TMEM232: variants seen among roughly 807,000 people sequenced by gnomAD.
The protein encoded by TMEM232 is transmembrane protein 232.
TMEM232 carries 80 observed loss-of-function variants against 78.8 expected under a neutral mutation model. The ratio of observed to expected loss-of-function variants is 1.01; its 90% CI spans 0.85 to 1.22. The LOEUF (loss-of-function observed/expected upper bound fraction) is 1.22. Among genes scored for constraint, TMEM232 ranks in the 50% most tolerant of loss-of-function variants. The pLI is 0.00. For missense variants in TMEM232, 881 were observed against 742.2 expected (o/e 1.19, Z -2.17); for synonymous variants, 297 against 254.3 (o/e 1.17, Z -1.60).
intron 11 of TMEM232, among the ~76,000 whole-genome samples, chr5:110,564,304 C>T (rs2149670282): frequency 6.6e-6 from 1 of 151,934 alleles, no homozygotes; most frequent in African/African-American, 2.4e-5. Flanking sequence ...TGTTTGTTGG[C>T]ACTTTGGAAT....
chr5:110,655,556 G>A (rs1294837298), intron 2 of TMEM232, among the ~76,000 whole-genome samples: 293 of 142,732 alleles, frequency 2.1e-3, no homozygotes, highest in African/African-American at 7.2e-3. Flanking sequence ...CCATTACTGG[G>A]TATATACCCA....
At chr5:110,560,077 T>C (rs903836375) in intron 11 of TMEM232, among the ~76,000 whole-genome samples, 3 of 152,178 alleles carry the variant, frequency 2.0e-5, no homozygotes, top group Admixed American at 1.3e-4. Flanking sequence ...ATATGATTCA[T>C]ATTCTGAAAT....
chr5:110,482,230 A>G (rs1343743829), intron 12 of TMEM232, among the ~76,000 whole-genome samples: 1 of 152,114 alleles, frequency 6.6e-6, no homozygotes, highest in Admixed American at 6.6e-5. Context: ...TAACCTTAAT[A>G]CCATCCAGAA....
At chr5:110,533,117 A>C (rs1581114525) in intron 11 of TMEM232, among the ~76,000 whole-genome samples, 1 of 151,750 alleles carries the variant, frequency 6.6e-6, no homozygotes, top group Non-Finnish European at 1.5e-5. Flanking sequence ...ATTCCCCTGC[A>C]CCCCTCGTCC....
chr5:110,689,203 T>G (rs1260863768), intron 1 of TMEM232, among the ~76,000 whole-genome samples: 1 of 152,252 alleles, frequency 6.6e-6, no homozygotes, highest in East Asian at 1.9e-4. Flanking sequence ...AGGACCTTTG[T>G]AAACCCTGGG....
At chr5:110,695,005 T>G (rs1007240037) in intron 1 of TMEM232, among the ~76,000 whole-genome samples, 2 of 152,150 alleles carry the variant, frequency 1.3e-5, no homozygotes, top group African/African-American at 2.4e-5. Context: ...ATACATTCTT[T>G]TCAGCACCAC....
chr5:110,658,988 G>A (rs1228334010), intron 2 of TMEM232, among the ~76,000 whole-genome samples: 1 of 152,104 alleles, frequency 6.6e-6, no homozygotes, highest in Non-Finnish European at 1.5e-5. Context: ...CCTTCTTGGG[G>A]AAGAGCTCAC....
chr5:110,525,797 T>C (rs1770497541), intron 12 of TMEM232, among the ~76,000 whole-genome samples: 2 of 151,226 alleles, frequency 1.3e-5, no homozygotes, highest in Non-Finnish European at 3.0e-5. Flanking sequence ...ATTAAAACTA[T>C]ATATTAAAAT....
chr5:110,431,542 C>G (rs1310044337), intron 12 of TMEM232, among the ~76,000 whole-genome samples: 1 of 151,334 alleles, frequency 6.6e-6, no homozygotes, highest in Non-Finnish European at 1.5e-5. Flanking sequence ...ATCCAGAATT[C>G]AATAAAAAAT....
At chr5:110,577,453 G>A (rs901044289) in intron 10 of TMEM232, among the ~76,000 whole-genome samples, 1 of 152,058 alleles carries the variant, frequency 6.6e-6, no homozygotes. Context: ...TATTGTGGAA[G>A]ACAGTGTGGC....
At chr5:110,563,400 T>C (rs943984976) in intron 11 of TMEM232, among the ~76,000 whole-genome samples, 6 of 151,880 alleles carry the variant, frequency 4.0e-5, no homozygotes, top group African/African-American at 9.7e-5. Flanking sequence ...ATTATAATTA[T>C]AGAAATGATA....
chr5:110,608,109 T>G (rs1421577206), intron 8 of TMEM232, among the ~76,000 whole-genome samples: 1 of 151,938 alleles, frequency 6.6e-6, no homozygotes, highest in Admixed American at 6.6e-5. Context: ...GTTGGAAACA[T>G]CAAGATGAAA....
intron 1 of TMEM232, among the ~76,000 whole-genome samples, chr5:110,696,668 G>A (rs1335715276): frequency 2.0e-5 from 3 of 151,908 alleles, no homozygotes; most frequent in Non-Finnish European, 4.4e-5. Flanking sequence ...AACAAACGGA[G>A]AGCCAAATCA....
chr5:110,464,232 A>G (rs1761838565), intron 12 of TMEM232, among the ~76,000 whole-genome samples: 1 of 152,222 alleles, frequency 6.6e-6, no homozygotes, highest in Admixed American at 6.5e-5. Flanking sequence ...AGCAGAACGC[A>G]GTGGCTGAAA....
At chr5:110,673,243 A>T (rs1791594316) in intron 1 of TMEM232, among the ~76,000 whole-genome samples, 1 of 151,788 alleles carries the variant, frequency 6.6e-6, no homozygotes, top group African/African-American at 2.4e-5. Context: ...CACAGGTGGG[A>T]ACTGAACAAT....
chr5:110,452,668 G>A (rs1217253629), intron 12 of TMEM232, among the ~76,000 whole-genome samples: 3 of 152,206 alleles, frequency 2.0e-5, no homozygotes, highest in Admixed American at 6.5e-5. Flanking sequence ...CAATATGAAT[G>A]AGAAGAAATA....
At chr5:110,700,952 A>C (rs1795378801) in intron 1 of TMEM232, among the ~76,000 whole-genome samples, 1 of 151,948 alleles carries the variant, frequency 6.6e-6, no homozygotes, top group Non-Finnish European at 1.5e-5. Flanking sequence ...GGGGTATCTA[A>C]TCAACCAATG....
intron 1 of TMEM232, among the ~76,000 whole-genome samples, chr5:110,692,075 C>G (rs574116644): frequency 7.2e-5 from 11 of 152,234 alleles, no homozygotes; most frequent in East Asian, 1.9e-4. Context: ...CGCCCGCCAC[C>G]ACGCTCGGCT....
At chr5:110,550,591 A>G (rs1262392929) in intron 11 of TMEM232, among the ~76,000 whole-genome samples, 1 of 151,964 alleles carries the variant, frequency 6.6e-6, no homozygotes, top group Non-Finnish European at 1.5e-5. Context: ...AATTCTATAT[A>G]TGCATATATT....
Sources: allele counts gnomAD v4.1 joint callset (sites outside exome capture counted in the v4.1 genomes callset), GRCh38; gene constraint gnomAD v4.1.1; transcripts MANE v1.5; gene names NCBI Gene and HGNC (gene_info 2026-07-23, HGNC 2026-07-21).